The following KRT7 variants were observed in gnomAD, a reference collection of about 807,000 sequenced individuals.
KRT7 encodes the protein keratin 7.
Under a neutral mutation model 42.8 loss-of-function variants are expected in KRT7, and 50 were observed. The observed-to-expected ratio is 1.17, with a 90% confidence interval of 0.93 to 1.48. KRT7 has a LOEUF of 1.48. Among genes scored for constraint, KRT7 ranks in the 40% most tolerant of loss-of-function variants. The pLI, the probability that KRT7 is intolerant of heterozygous loss-of-function variation, is 0.00. For missense variants in KRT7, 588 were observed against 637.6 expected (o/e 0.92, Z 0.84); for synonymous variants, 268 against 266.3 (o/e 1.01, Z -0.06).
At chr12:52,244,815 TGTGA>T (rs1942144520) in intron 6 of KRT7, among the ~76,000 whole-genome samples, 1 of 152,090 alleles carries the variant, frequency 6.6e-6, no homozygotes. Context: ...ACCCGGGGAC[TGTGA>T]GTCATGCATC....
chr12:52,250,578 A>G, downstream of KRT7: 1 of 1,262,390 alleles, frequency 7.9e-7, no homozygotes, highest in Non-Finnish European at 1.1e-6. Context: ...GCTGCCCGTC[A>G]CCGGCCGGGA....
chr12:52,241,583 G>T lies in KRT7; in HGVS notation c.805G>T (p.Glu269Ter). The T allele has an allele frequency of 1.2e-6, 2 of 1,613,608 alleles. No homozygotes were observed. The highest frequency in any genetic ancestry group is 1.7e-6 in the Non-Finnish European group (2 of 1,179,694). The change falls in exon 5 of 9, where the codon GAG becomes TAG. Residue 269 changes from glutamate (E) to a stop codon, truncating the protein, a stop_gained. Transcript: ENST00000331817. LOFTEE classifies it high-confidence loss of function. ...CATCGCTGAGGTCAAGGCGCAGTAT[G>T]AGGAGATGGCCAAATGCAGCCGGGC... ...GIIAEVKAQYEEMAKCSRAEA... is the reference protein window; with the variant it reads ...GIIAEVKAQY
chr12:52,235,715 C>A (rs111344547), intron 2 of KRT7, among the ~76,000 whole-genome samples: 2 of 152,108 alleles, frequency 1.3e-5, no homozygotes, highest in African/African-American at 4.8e-5. Context: ...CTGGTATGAC[C>A]TTCACAGATT....
chr12:52,236,222 C>G (rs539743304), intron 2 of KRT7, among the ~76,000 whole-genome samples: 1 of 151,356 alleles, frequency 6.6e-6, no homozygotes, highest in Admixed American at 6.6e-5. Context: ...TCCCACTTCC[C>G]TAGGGCAAAA....
rs116392757 is a variant in KRT7 at position 52,233,999 on chromosome 12, G to A, written c.324+379G>A. ...TCTCTCTGGGACCCTTTCCCTGAGA[G>A]AGGACCGTGTGGAGTCAGGAATGGA... On this transcript the variant is annotated intron_variant, in intron 1 of 8. Transcript: ENST00000331817. Among the ~76,000 whole-genome samples the A allele has an allele frequency of 2.5e-3, 384 of 152,288 alleles. 4 individuals carry two copies. The highest frequency in any genetic ancestry group is 8.8e-3 in the African/African-American group (367 of 41,568).
At chr12:52,244,401 A>G (rs1942139246) in intron 6 of KRT7, 7 of 985,556 alleles carry the variant, frequency 7.1e-6, no homozygotes, top group Middle Eastern at 1.0e-3. Context: ...CCAGGTGTCT[A>G]CCACCACTGA....
chr12:52,235,669 G>A (rs936960871), intron 2 of KRT7, among the ~76,000 whole-genome samples: 12 of 152,200 alleles, frequency 7.9e-5, no homozygotes, highest in African/African-American at 2.9e-4. Flanking sequence ...AGAGAGAGTA[G>A]GGCAGAAAGT....
At chr12:52,244,606 T>TG (rs1028625537) in intron 6 of KRT7, 369 of 985,792 alleles carry the variant, frequency 3.7e-4, no homozygotes, top group Non-Finnish European at 4.3e-4. Context: ...GGATAGAGAA[T>TG]GGCCGGTAAG....
chr12:52,243,067 G>A lies in KRT7; in HGVS notation c.914G>A (p.Arg305Gln), dbSNP rs368558949. ...CATGGGGACGACCTCCGGAATACCCGGAATGAGATTTCAGAGATGAACCGG... is the reference window on the plus strand; with the variant it reads ...CATGGGGACGACCTCCGGAATACCCAGAATGAGATTTCAGAGATGAACCGG... ...GKHGDDLRNT[R>Q]NEISEMNRAI... The change falls in exon 6 of 9, where the codon CGG (arginine) becomes CAG (glutamine). Residue 305 changes from arginine to glutamine, a missense_variant. Arg to Gln is a conservative substitution (Grantham distance 43). Coordinates refer to ENST00000331817, the MANE Select transcript of KRT7 (RefSeq NM_005556.4). The A allele has an allele frequency of 9.3e-6, 15 of 1,613,768 alleles. No individual in the cohort carries two copies. Among genetic ancestry groups the A allele is most frequent in the East Asian group, 2.2e-5 (1 of 44,868 alleles).
chr12:52,254,180 C>A (rs1283249573), downstream of KRT7: 4 of 549,150 alleles, frequency 7.3e-6, no homozygotes, highest in African/African-American at 1.9e-5. Flanking sequence ...CCTTGTCCCA[C>A]CATAGGGTCA....
At chr12:52,255,311 C>T (rs1565727155), downstream of KRT7, 3 of 456,610 alleles carry the variant, frequency 6.6e-6, no homozygotes. Flanking sequence ...CTCTGGCCTC[C>T]ATTCTGAGTT....
At chr12:52,252,062 A>G (rs746778834), downstream of KRT7, 4 of 772,944 alleles carry the variant, frequency 5.2e-6, no homozygotes, top group South Asian at 5.9e-5. Context: ...ACACAACCTT[A>G]TAGGGAAAGC....
In KRT7 at chr12:52,233,537, G is replaced by T; in HGVS notation, c.241G>T (p.Asp81Tyr). 1 of 1,613,216 alleles carries T rather than the reference G, an allele frequency of 6.2e-7. No homozygotes were observed. Among genetic ancestry groups the T allele is most frequent in the Non-Finnish European group, 8.5e-7 (1 of 1,179,824 alleles). Residue 81 changes from aspartate (D) to tyrosine (Y), a missense_variant, in exon 1 of 9, where the codon GAC becomes TAC. Transcript: ENST00000331817. ...SLLAPLRLDA[D>Y]PSLQRVRQEE... ...GCTGGCCCCGCTGCGGCTGGACGCC[G>T]ACCCCTCCCTCCAGCGGGTGCGCCA...
At chr12:52,251,042 C>T (rs769612426), downstream of KRT7, among the ~76,000 whole-genome samples, 2 of 152,146 alleles carry the variant, frequency 1.3e-5, no homozygotes, top group African/African-American at 2.4e-5. Flanking sequence ...TGCAGTGGCG[C>T]GATCTCGGCT....
chr12:52,244,664 G>C, intron 6 of KRT7: 1 of 984,950 alleles, frequency 1.0e-6, no homozygotes, highest in Non-Finnish European at 1.2e-6. Flanking sequence ...GGTTTTCTGA[G>C]CTAAACAAGA....
chr12:52,255,271 C>T (rs867935356), downstream of KRT7: 5 of 447,828 alleles, frequency 1.1e-5, no homozygotes, highest in Non-Finnish European at 2.3e-5. Context: ...GGTCTCCCAG[C>T]TCAAACCTTT....
In KRT7 at chr12:52,248,688, T is replaced by G. The variant is rs780793749; in HGVS notation, c.1338T>G (p.Ser446Arg). Residue 446 changes from serine (S) to arginine (R), a missense_variant, in exon 9 of 9, where the codon AGT (serine) becomes AGG (arginine). By Grantham distance (110) the Ser-to-Arg change is moderately radical. Transcript: ENST00000331817. ...GCAATGCCCTGAGCTTCTCCAGCAG[T>G]GCGGGTCCTGGGCTCCTGAAGGCTT... ...MGSNALSFSS[S>R]AGPGLLKAYS... 14 of 1,613,160 alleles carry G rather than the reference T, an allele frequency of 8.7e-6. No individual in the cohort carries two copies. In the East Asian group the frequency reaches 3.1e-4, roughly 36 times the overall value.
chr12:52,235,243 CA>C lies in KRT7; in HGVS notation c.414del (p.Asp139ThrfsTer59), dbSNP rs766328329. 6.2e-7 allele frequency: 1 copy of C among 1,614,192 alleles called. No individual in the cohort carries two copies. The highest frequency in any genetic ancestry group is 8.5e-7 in the Non-Finnish European group (1 of 1,180,010). On this transcript the variant is annotated frameshift_variant, in exon 2 of 9. Transcript: ENST00000331817. LOFTEE classifies it high-confidence loss of function. ...AAGTCGGCCAAGAGCAGCCGCCTCC[CA>C]GACATCTTTGAGGCCCAGATTGCTG... ...EQKSAKSSRL[P>X]DIFEAQIAGL...
At chr12:52,250,333 C>T, downstream of KRT7, 2 of 338,268 alleles carry the variant, frequency 5.9e-6, no homozygotes, top group South Asian at 2.6e-5. Flanking sequence ...CAGGAAGGCG[C>T]GGCGTGGGGG....
Sources: gnomAD v4.1 joint callset for allele counts (sites outside exome capture counted in the v4.1 genomes callset) on GRCh38, gnomAD v4.1.1 for gene constraint, MANE v1.5 for transcripts, NCBI Gene and HGNC (gene_info 2026-07-23, HGNC 2026-07-21) for gene names.